ARHGEF3: variants seen among roughly 807,000 people sequenced by gnomAD.
ARHGEF3 encodes 59.8 kDA protein.
Under a neutral mutation model 63.2 loss-of-function variants are expected in ARHGEF3, and 28 were observed. That is an observed-to-expected ratio of 0.44 (90% CI 0.33 to 0.61). ARHGEF3 has a LOEUF of 0.61. Ranked by LOEUF, ARHGEF3 falls within the 20% of genes least tolerant of loss-of-function variation. The pLI is 0.03. For missense variants in ARHGEF3, 533 were observed against 659.3 expected (o/e 0.81, Z 2.10); for synonymous variants, 266 against 254.2 (o/e 1.05, Z -0.44).
At chr3:56,743,301 C>T (rs971556956) in intron 7 of ARHGEF3, among the ~76,000 whole-genome samples, 1 of 152,326 alleles carries the variant, frequency 6.6e-6, no homozygotes, top group East Asian at 1.9e-4. Flanking sequence ...CCCAGTTCTG[C>T]ACCAGTGAGG....
chr3:56,887,193 T>C (rs986592464), intron 3 of ARHGEF3, among the ~76,000 whole-genome samples: 1 of 152,080 alleles, frequency 6.6e-6, no homozygotes, highest in Non-Finnish European at 1.5e-5. Flanking sequence ...TCTGGTAGTG[T>C]TTGTTTGGAG....
At chr3:56,744,504 T>C (rs2034255945) in intron 7 of ARHGEF3, among the ~76,000 whole-genome samples, 1 of 151,884 alleles carries the variant, frequency 6.6e-6, no homozygotes, top group Non-Finnish European at 1.5e-5. Context: ...GCTCAAGCGA[T>C]TCTTGTGCCT....
chr3:56,967,560 AAT>A (rs1386546953), intron 2 of ARHGEF3, among the ~76,000 whole-genome samples: 2 of 90,322 alleles, frequency 2.2e-5, no homozygotes, highest in Non-Finnish European at 3.8e-5. Flanking sequence ...TACATTATAT[AAT>A]ATATAATATA....
At chr3:56,897,766 C>T (rs548475341) in intron 3 of ARHGEF3, among the ~76,000 whole-genome samples, 10 of 151,626 alleles carry the variant, frequency 6.6e-5, no homozygotes, top group East Asian at 3.9e-4. Flanking sequence ...GGGTTTTCAC[C>T]GTGTTAGCCA....
chr3:57,006,148 T>C (rs1489861399), intron 2 of ARHGEF3, among the ~76,000 whole-genome samples: 4 of 152,170 alleles, frequency 2.6e-5, no homozygotes, highest in African/African-American at 9.7e-5. Flanking sequence ...CCACTTTTAA[T>C]AGGATCTGCC....
intron 2 of ARHGEF3, among the ~76,000 whole-genome samples, chr3:56,763,236 G>T (rs1454199368): frequency 6.6e-6 from 1 of 152,122 alleles, no homozygotes; most frequent in Non-Finnish European, 1.5e-5. Flanking sequence ...GTACACAAGA[G>T]GCTTGGCCAA....
rs183262174 is a variant in ARHGEF3 at position 56,875,223 on chromosome 3, C to T, written c.192+7069G>A. Among the ~76,000 whole-genome samples the T allele has an allele frequency of 1.1e-4, 17 of 152,252 alleles. No individual in the cohort carries two copies. The East Asian group carries it at 3.3e-3, about 29-fold the overall frequency. Reference sequence around the variant, plus strand: ...CATAGTAGCACTAAATCAACAGTAGCTGCTCTTGTTGCTATGTATCTAATG... The same window carrying T: ...CATAGTAGCACTAAATCAACAGTAGTTGCTCTTGTTGCTATGTATCTAATG... On this transcript the variant is annotated intron_variant, in intron 4 of 12. Coordinates refer to the ARHGEF3 transcript ENST00000338458.
intron 8 of ARHGEF3, among the ~76,000 whole-genome samples, 190 bp downstream of exon 8, chr3:56,736,995 C>T (rs150663871): frequency 2.6e-5 from 4 of 151,934 alleles, no homozygotes; most frequent in East Asian, 1.9e-4. Context: ...CTTGGGAGGC[C>T]GAGGCACAAG....
chr3:57,039,304 C>G (rs1317169532), intron 1 of ARHGEF3, among the ~76,000 whole-genome samples: 1 of 152,144 alleles, frequency 6.6e-6, no homozygotes, highest in East Asian at 1.9e-4. Flanking sequence ...CAGGAAGCAC[C>G]AAGTGTTGGT....
At chr3:56,772,768 G>A (rs529938486) in intron 2 of ARHGEF3, among the ~76,000 whole-genome samples, 15 of 152,286 alleles carry the variant, frequency 9.8e-5, no homozygotes, top group Non-Finnish European at 2.1e-4. Flanking sequence ...AAGGGCCAAG[G>A]TGTTATGCTA....
intron 2 of ARHGEF3, among the ~76,000 whole-genome samples, chr3:56,970,900 C>T (rs1297494998): frequency 6.6e-6 from 1 of 152,208 alleles, no homozygotes; most frequent in Non-Finnish European, 1.5e-5. Flanking sequence ...TTCCTAGTTC[C>T]TCCATCTGTA....
intron 2 of ARHGEF3, among the ~76,000 whole-genome samples, chr3:56,773,253 C>G (rs1008062975): frequency 1.6e-4 from 24 of 152,008 alleles, no homozygotes; most frequent in Non-Finnish European, 8.8e-5. Context: ...TTGACTTTCC[C>G]CCAAGAATTT....
chr3:56,939,528 C>G lies in ARHGEF3; in HGVS notation c.129+19295G>C, dbSNP rs560550003. Reference sequence around the variant, plus strand: ...CTTCTGTTTAAAACCCCTGACTGAACCCCAATACTTCCCAACAGTCTAGAA... The same window carrying G: ...CTTCTGTTTAAAACCCCTGACTGAAGCCCAATACTTCCCAACAGTCTAGAA... On this transcript the variant is annotated intron_variant, in intron 3 of 12. Transcript: ENST00000338458. 6.0e-4 allele frequency among the ~76,000 whole-genome samples: 92 copies of G among 152,278 alleles called. 1 individual carries two copies. Among genetic ancestry groups the G allele is most frequent in the Non-Finnish European group, 8.1e-4 (55 of 68,028 alleles).
chr3:56,856,515 T>C lies in ARHGEF3; in HGVS notation c.192+25777A>G, dbSNP rs542916203. ...TGAATACAGATCCTCTTTACAGATA[T>C]GGCTTGATTCTCCTTGGGTCCCCCT... On this transcript the variant is annotated intron_variant, in intron 4 of 12. Coordinates refer to the ARHGEF3 transcript ENST00000338458. Among the ~76,000 whole-genome samples the C allele has an allele frequency of 1.6e-4, 25 of 152,210 alleles. No individual in the cohort carries two copies. In the East Asian group the frequency reaches 4.1e-3, roughly 25 times the overall value.
At chr3:56,925,822 G>A (rs2042260973) in intron 3 of ARHGEF3, among the ~76,000 whole-genome samples, 1 of 152,190 alleles carries the variant, frequency 6.6e-6, no homozygotes, top group African/African-American at 2.4e-5. Flanking sequence ...AGGCACCAAA[G>A]CCACAGGACA....
At chr3:56,814,677 A>G (rs1247133551) in intron 4 of ARHGEF3, among the ~76,000 whole-genome samples, 2 of 151,818 alleles carry the variant, frequency 1.3e-5, no homozygotes, top group African/African-American at 4.8e-5. Context: ...TTTTTTTTAA[A>G]TGAATTAAGG....
rs967558233 is a variant in ARHGEF3 at position 56,950,160 on chromosome 3, C to A, written c.129+8663G>T. On this transcript the variant is annotated intron_variant, in intron 3 of 12. Coordinates refer to the ARHGEF3 transcript ENST00000338458. Reference sequence around the variant, plus strand: ...ATGGATTAAAGACTTAAATGTTAGACCTAAAACTATAAAAACCCTAGAAGA... The same window carrying A: ...ATGGATTAAAGACTTAAATGTTAGAACTAAAACTATAAAAACCCTAGAAGA... Among the ~76,000 whole-genome samples, 41 of 152,132 alleles carry A rather than the reference C, an allele frequency of 2.7e-4. 1 individual carries two copies. Among genetic ancestry groups the A allele is most frequent in the African/African-American group, 9.9e-4 (41 of 41,424 alleles).
At chr3:56,788,151 G>A (rs1248737368) in intron 1 of ARHGEF3, among the ~76,000 whole-genome samples, 3 of 152,118 alleles carry the variant, frequency 2.0e-5, no homozygotes, top group South Asian at 2.1e-4. Flanking sequence ...AAGGTGTCCC[G>A]CTTATGTGCC....
At chr3:56,967,951 A>T (rs1411926562) in intron 2 of ARHGEF3, among the ~76,000 whole-genome samples, 1 of 54,896 alleles carries the variant, frequency 1.8e-5, no homozygotes, top group Non-Finnish European at 3.0e-5. Context: ...ATTATATATT[A>T]TATATATAAA....
Sources: allele counts gnomAD v4.1 joint callset (sites outside exome capture counted in the v4.1 genomes callset), GRCh38; gene constraint gnomAD v4.1.1; transcripts MANE v1.5; gene names NCBI Gene and HGNC (gene_info 2026-07-23, HGNC 2026-07-21).